The following PHF24 variants were observed in gnomAD, a reference collection of about 807,000 sequenced individuals.
PHF24 encodes the protein Galpha inhibitory interacting protein.
A neutral mutation model predicts 42.6 loss-of-function variants in PHF24; 25 were observed. The ratio of observed to expected loss-of-function variants is 0.59; its 90% CI spans 0.43 to 0.82. The LOEUF (loss-of-function observed/expected upper bound fraction) is 0.82. Among genes scored for constraint, PHF24 ranks in the 40% least tolerant of loss-of-function variants. PHF24 has a pLI of 0.00. For missense variants in PHF24, 470 were observed against 538.1 expected, an observed-to-expected ratio of 0.87 and a Z score of 1.25; for synonymous variants, 185 against 204.8, an observed-to-expected ratio of 0.90 and a Z score of 0.83.
chr9:34,669,530 G>A, the PHF24 span, among the ~76,000 whole-genome samples: 6 of 151,372 alleles, frequency 4.0e-5, no homozygotes, highest in African/African-American at 1.5e-4. Context: ...CTTGTGTGGA[G>A]TCTGTGAGAC....
At chr9:34,824,483 G>A in the PHF24 span, among the ~76,000 whole-genome samples, 1 of 152,158 alleles carries the variant, frequency 6.6e-6, no homozygotes, top group East Asian at 1.9e-4. Flanking sequence ...GTTCCAGTTT[G>A]GAGTGAGGTA....
At chr9:34,724,316 T>C in the PHF24 span, 4 of 1,551,302 alleles carry the variant, frequency 2.6e-6, no homozygotes, top group Admixed American at 3.9e-5. Flanking sequence ...TTGCTTTTGG[T>C]TCTGCTGCAC....
the PHF24 span, among the ~76,000 whole-genome samples, chr9:34,816,073 TA>T: frequency 6.6e-3 from 1,003 of 151,784 alleles, 11 homozygotes; most frequent in African/African-American, 0.021. Context: ...TAAGCTTTTT[TA>T]TTTTTTATTT....
chr9:34,882,800 A>G, the PHF24 span, among the ~76,000 whole-genome samples: 1 of 152,232 alleles, frequency 6.6e-6, no homozygotes, highest in Non-Finnish European at 1.5e-5. Context: ...AAGGTAATTT[A>G]TAGATTCAAT....
chr9:34,727,723 A>G, the PHF24 span, among the ~76,000 whole-genome samples: 1 of 152,234 alleles, frequency 6.6e-6, no homozygotes, highest in Non-Finnish European at 1.5e-5. Flanking sequence ...TTAACTGGGT[A>G]ACTTATCTCA....
At chr9:34,690,423 CCTGTGTGT>C in the PHF24 span, 5 of 913,184 alleles carry the variant, frequency 5.5e-6, no homozygotes, top group East Asian at 3.3e-5. Flanking sequence ...ATTGAGGACA[CCTGTGTGT>C]GTGTGTGTGT....
chr9:34,717,405 T>C, the PHF24 span, among the ~76,000 whole-genome samples: 190 of 152,302 alleles, frequency 1.2e-3, no homozygotes, highest in Non-Finnish European at 2.2e-3. Context: ...TGTGTCTACC[T>C]GGTTTGTTCT....
chr9:34,689,783 G>C, the PHF24 span: 493 of 1,613,510 alleles, frequency 3.1e-4, no homozygotes, highest in African/African-American at 5.7e-3. The surrounding 1 kb of genome is among the most constrained non-coding windows in gnomAD (Gnocchi z 4.1). Context: ...CACAATGCTT[G>C]ACTCGGACTC....
At chr9:34,839,116 T>C in the PHF24 span, among the ~76,000 whole-genome samples, 1 of 152,146 alleles carries the variant, frequency 6.6e-6, no homozygotes, top group Non-Finnish European at 1.5e-5. Context: ...AGCTTGCAGA[T>C]GGGTGGGGAG....
the PHF24 span, chr9:34,729,379 T>C: frequency 1.9e-6 from 3 of 1,551,666 alleles, no homozygotes; most frequent in Non-Finnish European, 1.7e-6. Context: ...GAGCCATAGA[T>C]GTATAAGGGA....
At chr9:34,918,127 A>G in the PHF24 span, 16 of 1,549,458 alleles carry the variant, frequency 1.0e-5, no homozygotes, top group South Asian at 1.0e-4. Context: ...GGTGTAGCCA[A>G]TCGTAGCGCC....
the PHF24 span, chr9:34,922,885 C>T: frequency 6.4e-7 from 1 of 1,565,660 alleles, no homozygotes; most frequent in Non-Finnish European, 8.7e-7. Flanking sequence ...GCCTGCTCGG[C>T]CAGTTTGGCC....
the PHF24 span, among the ~76,000 whole-genome samples, chr9:34,940,155 G>A: frequency 6.6e-6 from 1 of 152,134 alleles, no homozygotes; most frequent in Admixed American, 6.5e-5. Flanking sequence ...GTGAAACAGT[G>A]GGCCTTAATA....
chr9:34,677,389 G>GTTTTTTTTTTTTTTTTTTTTTTT, the PHF24 span, among the ~76,000 whole-genome samples: 36 of 79,772 alleles, frequency 4.5e-4, 2 homozygotes, highest in East Asian at 8.0e-4. Context: ...TTTGTAAACT[G>GTTTTTTTTTTTTTTTTTTTTTTT]TTTTTTTTTT....
At chr9:34,879,960 GTTA>G in the PHF24 span, among the ~76,000 whole-genome samples, 3 of 152,146 alleles carry the variant, frequency 2.0e-5, no homozygotes, top group Non-Finnish European at 4.4e-5. Context: ...GAAAGGTCAG[GTTA>G]CCCACAAAGG....
chr9:34,934,874 G>C, the PHF24 span, among the ~76,000 whole-genome samples: 1 of 152,176 alleles, frequency 6.6e-6, no homozygotes, highest in African/African-American at 2.4e-5. Flanking sequence ...ACAGCTTCTA[G>C]AGTAGTTGCA....
the PHF24 span, among the ~76,000 whole-genome samples, chr9:34,741,936 A>G: frequency 6.6e-6 from 1 of 152,208 alleles, no homozygotes; most frequent in East Asian, 1.9e-4. Flanking sequence ...CTCTCAGGAT[A>G]TGTGATTCTC....
At chr9:34,669,405 T>C in the PHF24 span, among the ~76,000 whole-genome samples, 2 of 151,802 alleles carry the variant, frequency 1.3e-5, no homozygotes, top group Non-Finnish European at 2.9e-5. Context: ...ACCAATATGC[T>C]GAGAAGAGGA....
chr9:34,949,965 C>T, the PHF24 span, among the ~76,000 whole-genome samples: 7,975 of 150,664 alleles, frequency 0.053, 264 homozygotes, highest in South Asian at 0.085. Context: ...TGTATACCTA[C>T]GTAACAAACC....
Sources: allele counts gnomAD v4.1 joint callset (sites outside exome capture counted in the v4.1 genomes callset), GRCh38; gene constraint gnomAD v4.1.1; non-coding constraint Gnocchi (gnomAD v3.1); transcripts MANE v1.5; gene names NCBI Gene and HGNC (gene_info 2026-07-23, HGNC 2026-07-21).